The following RANBP2 variants were observed in gnomAD, a reference collection of about 807,000 sequenced individuals.
RANBP2 encodes the protein RAN binding protein 2, also known as E3 SUMO-protein ligase RanBP2.
In RANBP2, 57 loss-of-function variants were observed where a neutral mutation model predicts 303.6. The observed-to-expected ratio is 0.19, with a 90% CI of 0.15 to 0.23. The LOEUF (loss-of-function observed/expected upper bound fraction) is 0.23, where lower values mean the gene tolerates loss of function less well. Among genes scored for constraint, RANBP2 ranks in the 10% least tolerant of loss-of-function variants. The pLI is 1.00. For synonymous variants in RANBP2, 1,167 were observed against 1,301.5 expected, an observed-to-expected ratio of 0.90 and a Z score of 2.23; for missense variants, 3,138 against 3,780.8, an observed-to-expected ratio of 0.83 and a Z score of 4.46.
At chr2:109,571,505 T>G in the RANBP2 span, among the ~76,000 whole-genome samples, 1 of 152,214 alleles carries the variant, frequency 6.6e-6, no homozygotes, top group African/African-American at 2.4e-5. Flanking sequence ...AGTGTGTGTA[T>G]GTAGGCAACT....
At chr2:109,478,529 G>C in the RANBP2 span, among the ~76,000 whole-genome samples, 1,686 of 152,254 alleles carry the variant, frequency 0.011, 36 homozygotes, top group African/African-American at 0.038. Context: ...TCAGTCCTTG[G>C]CATTTTTCCT....
At chr2:108,981,643 A>G in the RANBP2 span, among the ~76,000 whole-genome samples, 6 of 152,118 alleles carry the variant, frequency 3.9e-5, no homozygotes, top group African/African-American at 1.4e-4. Flanking sequence ...CTCGATATAT[A>G]CTATCCCCAC....
chr2:109,259,898 CAT>C, the RANBP2 span, among the ~76,000 whole-genome samples: 1 of 152,134 alleles, frequency 6.6e-6, no homozygotes, highest in South Asian at 2.1e-4. Context: ...AACTGTCAGT[CAT>C]GTGTGTGCTA....
the RANBP2 span, among the ~76,000 whole-genome samples, chr2:109,011,812 A>G: frequency 3.9e-5 from 6 of 152,120 alleles, no homozygotes; most frequent in Non-Finnish European, 8.8e-5. Flanking sequence ...TAATTTCCCA[A>G]AGCTCTTTTA....
At position 108,766,294 on chromosome 2, in the gene RANBP2, G is replaced by A. The variant is rs1677115120; in HGVS notation, c.5755G>A (p.Gly1919Ser). The change falls in exon 20 of 29, where the codon GGT becomes AGT. Residue 1919 changes from glycine to serine, a missense_variant. Gly to Ser is a moderately conservative substitution (Grantham distance 56). Coordinates refer to ENST00000283195, the MANE Select transcript of RANBP2 (RefSeq NM_006267.5). Reference sequence around the variant, plus strand: ...GAAAAGTGAAAAGCCTCTTGAAAATGGTACTGGCTTCCAGGCTCAGGATAT... The same window carrying A: ...GAAAAGTGAAAAGCCTCTTGAAAATAGTACTGGCTTCCAGGCTCAGGATAT... Reference protein sequence around the residue: ...EKKSEKPLENGTGFQAQDISG... With the variant: ...EKKSEKPLENSTGFQAQDISG... The A allele has an allele frequency of 6.2e-7, 1 of 1,612,134 alleles. No individual in the cohort carries two copies. The highest frequency in any genetic ancestry group is 8.5e-7 in the Non-Finnish European group (1 of 1,179,956).
chr2:108,969,628 C>A, the RANBP2 span, among the ~76,000 whole-genome samples: 1 of 152,088 alleles, frequency 6.6e-6, no homozygotes, highest in African/African-American at 2.4e-5. Context: ...TCATTAAGTA[C>A]AGGAATTTTG....
At chr2:109,539,797 A>G in the RANBP2 span, among the ~76,000 whole-genome samples, 151,735 of 152,330 alleles carry the variant, frequency 1, 75,575 homozygotes, top group Middle Eastern at 1. Flanking sequence ...CATAAATGAA[A>G]TCATGCTGTA....
the RANBP2 span, chr2:108,896,714 C>T: frequency 4.9e-5 from 30 of 612,530 alleles, no homozygotes; most frequent in Non-Finnish European, 7.1e-5. Context: ...GAAAGTATCC[C>T]GGCTCTAGTC....
At chr2:109,615,087 C>G in the RANBP2 span, 2 of 1,549,590 alleles carry the variant, frequency 1.3e-6, no homozygotes, top group Admixed American at 2.0e-5. Context: ...CGCACAGAGG[C>G]CGGCCCGCCA....
chr2:109,390,895 C>T, the RANBP2 span, among the ~76,000 whole-genome samples: 27 of 152,274 alleles, frequency 1.8e-4, no homozygotes, highest in South Asian at 6.2e-4. Flanking sequence ...TAGAGGGTCC[C>T]GGCATGAATG....
chr2:109,190,779 A>G, the RANBP2 span, among the ~76,000 whole-genome samples: 1 of 152,060 alleles, frequency 6.6e-6, no homozygotes, highest in African/African-American at 2.4e-5. Flanking sequence ...GGGATCACTC[A>G]TAGGTGTTGC....
chr2:109,483,203 G>C, the RANBP2 span, among the ~76,000 whole-genome samples: 1 of 152,014 alleles, frequency 6.6e-6, no homozygotes, highest in Admixed American at 6.5e-5. Flanking sequence ...CCCCATCTCC[G>C]ACAGGAAAAT....
the RANBP2 span, among the ~76,000 whole-genome samples, chr2:108,945,208 C>T: frequency 6.6e-6 from 1 of 152,136 alleles, no homozygotes. Flanking sequence ...GGGCGAGCTC[C>T]CCGTCCTGGG....
chr2:108,798,696 C>T, the RANBP2 span: 1 of 686,656 alleles, frequency 1.5e-6, no homozygotes. Flanking sequence ...CCTTCCTCCT[C>T]CTCTCCACGC....
At chr2:109,059,488 T>C in the RANBP2 span, among the ~76,000 whole-genome samples, 1 of 151,156 alleles carries the variant, frequency 6.6e-6, no homozygotes, top group Non-Finnish European at 1.5e-5. Context: ...GGCAGGAGAA[T>C]GGTGTGAATC....
At chr2:109,713,884 C>T in the RANBP2 span, among the ~76,000 whole-genome samples, 1 of 152,192 alleles carries the variant, frequency 6.6e-6, no homozygotes, top group East Asian at 1.9e-4. Context: ...CTTCCAACAC[C>T]ACATGTGTGG....
At chr2:109,352,781 C>A in the RANBP2 span, among the ~76,000 whole-genome samples, 1 of 152,224 alleles carries the variant, frequency 6.6e-6, no homozygotes, top group Non-Finnish European at 1.5e-5. Context: ...AGGCTCAACT[C>A]GCAGGGCACG....
the RANBP2 span, among the ~76,000 whole-genome samples, chr2:109,121,250 AAAAC>A: frequency 5.0e-4 from 2 of 3,972 alleles, no homozygotes; most frequent in African/African-American, 3.2e-3. Flanking sequence ...CCATCTCTCT[AAAAC>A]AAAACAAAAC....
chr2:109,583,536 G>A, the RANBP2 span, among the ~76,000 whole-genome samples: 3 of 152,182 alleles, frequency 2.0e-5, no homozygotes, highest in East Asian at 3.8e-4. Context: ...GTACCCTGCT[G>A]GTGGGAATGT....
Sources: allele counts gnomAD v4.1 joint callset (sites outside exome capture counted in the v4.1 genomes callset), GRCh38; gene constraint gnomAD v4.1.1; transcripts MANE v1.5; gene names NCBI Gene and HGNC (gene_info 2026-07-23, HGNC 2026-07-21).